The following WWC1 variants were observed in gnomAD, a reference collection of about 807,000 sequenced individuals.
The protein encoded by WWC1 is protein KIBRA.
A neutral mutation model predicts 138.4 loss-of-function variants in WWC1; 55 were observed. The ratio of observed to expected loss-of-function variants is 0.40; its 90% CI spans 0.32 to 0.50. WWC1 has a LOEUF of 0.50. WWC1 is among the 20% of genes least tolerant of loss of function. The pLI is 0.72. For missense variants in WWC1, 1,226 were observed against 1,420.4 expected, an observed-to-expected ratio of 0.86 and a Z score of 2.20; for synonymous variants, 524 against 564.9, an observed-to-expected ratio of 0.93 and a Z score of 1.03.
At position 168,428,150 on chromosome 5, in the gene WWC1, C is replaced by T. The variant is rs1348771191; in HGVS notation, c.1919+9C>T. 1 of 1,610,970 alleles carries T rather than the reference C, an allele frequency of 6.2e-7. No individual in the cohort carries two copies. Among genetic ancestry groups the T allele is most frequent in the East Asian group, 2.2e-5 (1 of 44,786 alleles). On this transcript the variant is annotated intron_variant, in intron 12 of 22. Transcript: ENST00000265293. ...GAGGCTTCCGTGCAGAGGTAGGTGT[C>T]TGGGTGCTGGCTCTCTCTGTGGCCC...
chr5:168,332,783 A>G (rs1021487258), intron 1 of WWC1, among the ~76,000 whole-genome samples: 1 of 151,158 alleles, frequency 6.6e-6, no homozygotes, highest in African/African-American at 2.4e-5. Context: ...ATCTCAGCTC[A>G]CTGTAACCTC....
chr5:168,368,639 C>T (rs1442605801), intron 1 of WWC1, among the ~76,000 whole-genome samples: 1 of 152,162 alleles, frequency 6.6e-6, no homozygotes, highest in East Asian at 1.9e-4. Context: ...TGGAGTCACT[C>T]CCCATGGAAG....
intron 2 of WWC1, among the ~76,000 whole-genome samples, chr5:168,373,106 G>A (rs1016049687): frequency 2.0e-5 from 3 of 152,192 alleles, no homozygotes; most frequent in Admixed American, 1.3e-4. Flanking sequence ...CTAATTGAGT[G>A]TGTATGGGGA....
intron 16 of WWC1, among the ~76,000 whole-genome samples, chr5:168,443,076 A>G (rs114266836): frequency 0.037 from 5,558 of 152,134 alleles, 221 homozygotes; most frequent in African/African-American, 0.1. Flanking sequence ...ACCACATCAA[A>G]AAAGTTAAAT....
intron 1 of WWC1, among the ~76,000 whole-genome samples, chr5:168,304,629 C>T (rs1770385760): frequency 2.6e-5 from 4 of 152,026 alleles, no homozygotes; most frequent in Non-Finnish European, 5.9e-5. Flanking sequence ...TCTGGGGGTA[C>T]AGCTCAGCAA....
At position 168,441,651 on chromosome 5, in the gene WWC1, C is replaced by T. The variant is rs767000809; in HGVS notation, c.2281-31C>T. Reference sequence around the variant, plus strand: ...ACACCTGGTGTCCCCCCCACCGCCACTTATGTTCTCCTTGTTTCCATCCCC... The same window carrying T: ...ACACCTGGTGTCCCCCCCACCGCCATTTATGTTCTCCTTGTTTCCATCCCC... On this transcript the variant is annotated intron_variant, in intron 15 of 22. Coordinates refer to ENST00000265293, the MANE Select transcript of WWC1 (RefSeq NM_015238.3). The T allele has an allele frequency of 4.3e-6, 7 of 1,609,382 alleles. No individual in the cohort carries two copies. In the African/African-American group the frequency reaches 9.4e-5, roughly 22 times the overall value.
At chr5:168,404,886 ACT>A (rs1491126122) in intron 5 of WWC1, among the ~76,000 whole-genome samples, 1 of 103,536 alleles carries the variant, frequency 9.7e-6, no homozygotes, top group African/African-American at 4.0e-5. Context: ...ATGTCAGGAC[ACT>A]TTTTTTTTTT....
intron 2 of WWC1, 109 bp from the exon 3 acceptor site, chr5:168,385,102 G>C: frequency 9.5e-7 from 1 of 1,051,500 alleles, no homozygotes; most frequent in Non-Finnish European, 1.4e-6. Context: ...CATTTATTGT[G>C]ATTTGTCTAT....
intron 7 of WWC1, 96 bp downstream of exon 7, chr5:168,408,749 G>C (rs1780003780): frequency 1.3e-6 from 2 of 1,541,228 alleles, no homozygotes; most frequent in Non-Finnish European, 1.8e-6. Flanking sequence ...TCACCAGGGA[G>C]CTGGCCAGGG....
intron 1 of WWC1, among the ~76,000 whole-genome samples, chr5:168,307,771 A>G (rs1170995346): frequency 6.6e-6 from 1 of 151,574 alleles, no homozygotes; most frequent in African/African-American, 2.4e-5. Flanking sequence ...CACCCAGCTA[A>G]TTTTTTGTAT....
rs1769159070 is a variant in WWC1 at position 168,292,608 on chromosome 5, G to C, written c.119+337G>C. On this transcript the variant is annotated intron_variant, in intron 1 of 22. Transcript: ENST00000265293. This position sits in a 1 kb window ranked among gnomAD's most constrained non-coding sequence, Gnocchi z 4.4. ...TAGGAAGAGAGGTCGGGCGGGGGCG[G>C]GGGTTGGGGGAGCGACCTAGCCGGG... 6.6e-6 allele frequency among the ~76,000 whole-genome samples: 1 copy of C among 152,126 alleles called. No individual in the cohort carries two copies. The highest frequency in any genetic ancestry group is 1.5e-5 in the Non-Finnish European group (1 of 68,020).
At chr5:168,431,482 CTGGCTGG>C in intron 15 of WWC1, 38 bp downstream of exon 15, 1 of 1,544,630 alleles carries the variant, frequency 6.5e-7, no homozygotes. Context: ...GGCTGGCTGG[CTGGCTGG>C]CTGGCTGGCT....
chr5:168,313,718 CT>C (rs1438519342), intron 1 of WWC1, among the ~76,000 whole-genome samples: 1 of 152,148 alleles, frequency 6.6e-6, no homozygotes, highest in Admixed American at 6.5e-5. Context: ...CTATTCAATA[CT>C]ACTTCTGTTG....
chr5:168,337,463 C>T (rs1011080508), intron 1 of WWC1, among the ~76,000 whole-genome samples: 1 of 152,114 alleles, frequency 6.6e-6, no homozygotes, highest in Non-Finnish European at 1.5e-5. Context: ...TGGCTAGGGG[C>T]CAGGGATAGT....
chr5:168,393,715 C>T (rs752146424), intron 3 of WWC1, among the ~76,000 whole-genome samples: 10 of 152,104 alleles, frequency 6.6e-5, no homozygotes, highest in African/African-American at 1.2e-4. Context: ...AACACAAAGG[C>T]GGATCTCAGG....
intron 2 of WWC1, among the ~76,000 whole-genome samples, chr5:168,376,455 G>C (rs1252030912): frequency 6.6e-6 from 1 of 152,196 alleles, no homozygotes; most frequent in Non-Finnish European, 1.5e-5. Flanking sequence ...GAAAGAAATA[G>C]AAGATACCCA....
At chr5:168,381,421 G>A (rs953486637) in intron 2 of WWC1, among the ~76,000 whole-genome samples, 27 of 152,124 alleles carry the variant, frequency 1.8e-4, no homozygotes, top group Admixed American at 5.2e-4. Context: ...CCTGGAGCCC[G>A]CATCGCACCT....
intron 9 of WWC1, among the ~76,000 whole-genome samples, chr5:168,417,374 G>A (rs1398193439): frequency 6.6e-6 from 1 of 152,060 alleles, no homozygotes; most frequent in East Asian, 1.9e-4. Flanking sequence ...AACTCGAATT[G>A]GAGGCTCTTA....
intron 11 of WWC1, among the ~76,000 whole-genome samples, chr5:168,426,995 T>A (rs1344678158): frequency 6.6e-6 from 1 of 152,250 alleles, no homozygotes; most frequent in Admixed American, 6.5e-5. Context: ...TGCTTAGTTA[T>A]GAGCCTCAGA....
Sources: allele counts gnomAD v4.1 joint callset (sites outside exome capture counted in the v4.1 genomes callset), GRCh38; gene constraint gnomAD v4.1.1; non-coding constraint Gnocchi (gnomAD v3.1); transcripts MANE v1.5; gene names NCBI Gene and HGNC (gene_info 2026-07-23, HGNC 2026-07-21).